KCNIP4: variants seen among roughly 807,000 people sequenced by gnomAD.
KCNIP4 encodes the protein Kv channel-interacting protein 4.
KCNIP4 carries 12 observed loss-of-function variants against 34.0 expected under a neutral mutation model. That is an observed-to-expected ratio of 0.35 (90% confidence interval 0.23 to 0.57). KCNIP4 has a LOEUF of 0.57. Ranked by LOEUF, KCNIP4 falls within the 20% of genes least tolerant of loss-of-function variation. The pLI is 0.83. For synonymous variants in KCNIP4, 124 were observed against 102.2 expected (o/e 1.21, Z -1.29); for missense variants, 238 against 311.7 (o/e 0.76, Z 1.78).
At chr4:21,759,133 G>T (rs1339052158) in intron 1 of KCNIP4, among the ~76,000 whole-genome samples, 1 of 152,088 alleles carries the variant, frequency 6.6e-6, no homozygotes, top group African/African-American at 2.4e-5. Flanking sequence ...TTAGAAATAT[G>T]TTGAACTAAG....
intron 1 of KCNIP4, among the ~76,000 whole-genome samples, chr4:21,445,485 C>G (rs1449144094): frequency 6.6e-6 from 1 of 152,192 alleles, no homozygotes; most frequent in African/African-American, 2.4e-5. Flanking sequence ...CTACAACTAT[C>G]TGATCTTTGA....
intron 1 of KCNIP4, among the ~76,000 whole-genome samples, chr4:21,176,735 C>T (rs1293405456): frequency 6.6e-6 from 1 of 152,060 alleles, no homozygotes; most frequent in African/African-American, 2.4e-5. Flanking sequence ...TGCTCAGGCT[C>T]CTCTCGAACT....
In KCNIP4 at chr4:21,593,075, T is replaced by A. The variant is rs145032807; in HGVS notation, c.61+355496A>T. ...TTGGACTCCTTCTAAAATGCTGCAT[T>A]GCATATATTCATTCTGCAATTTAAA... On this transcript the variant is annotated intron_variant, in intron 1 of 8. Coordinates refer to ENST00000382152, the MANE Select transcript of KCNIP4 (RefSeq NM_025221.6). Among the ~76,000 whole-genome samples the A allele has an allele frequency of 7.2e-5, 11 of 151,818 alleles. No homozygotes were observed. The East Asian group carries it at 2.2e-3, about 30-fold the overall frequency.
In KCNIP4 at chr4:21,465,353, T is replaced by G. The variant is rs1426105281; in HGVS notation, c.61+483218A>C. On this transcript the variant is annotated intron_variant, in intron 1 of 8. Transcript: ENST00000382152. ...TAAGATATACTTTCCAGATCAATGCTGGATTATGAATGCTTTCTGTCCACA... is the reference window on the plus strand; with the variant it reads ...TAAGATATACTTTCCAGATCAATGCGGGATTATGAATGCTTTCTGTCCACA... Among the ~76,000 whole-genome samples the G allele has an allele frequency of 2.0e-5, 3 of 152,146 alleles. No individual in the cohort carries two copies. The East Asian group carries it at 5.8e-4, about 29-fold the overall frequency.
At chr4:21,927,008 T>C (rs528175064) in intron 1 of KCNIP4, among the ~76,000 whole-genome samples, 1 of 152,332 alleles carries the variant, frequency 6.6e-6, no homozygotes, top group South Asian at 2.1e-4. Flanking sequence ...TTTGAAGTAC[T>C]GGTGCTGGGT....
At chr4:21,890,970 T>C (rs990283184) in intron 1 of KCNIP4, among the ~76,000 whole-genome samples, 21 of 152,102 alleles carry the variant, frequency 1.4e-4, no homozygotes, top group African/African-American at 7.2e-5. Context: ...GCAGTTTATA[T>C]AGCATTTTAA....
At chr4:21,005,839 C>A (rs1408968913) in intron 1 of KCNIP4, among the ~76,000 whole-genome samples, 4 of 152,184 alleles carry the variant, frequency 2.6e-5, no homozygotes, top group Non-Finnish European at 5.9e-5. Context: ...ATTACAGCAG[C>A]ATCTCTACCA....
chr4:20,900,518 C>A (rs986231354), intron 1 of KCNIP4, among the ~76,000 whole-genome samples: 1 of 152,174 alleles, frequency 6.6e-6, no homozygotes, highest in Non-Finnish European at 1.5e-5. Flanking sequence ...GAGAGGCAGG[C>A]TTCTCTTCAT....
intron 1 of KCNIP4, among the ~76,000 whole-genome samples, chr4:21,435,990 G>A (rs894864298): frequency 5.3e-5 from 8 of 152,248 alleles, no homozygotes; most frequent in South Asian, 2.1e-4. Context: ...AGGAAACAGC[G>A]AGCTCCCAGA....
chr4:21,255,991 T>C (rs1761038606), intron 1 of KCNIP4, among the ~76,000 whole-genome samples: 1 of 152,126 alleles, frequency 6.6e-6, no homozygotes, highest in Non-Finnish European at 1.5e-5. Context: ...GTAGCTTACA[T>C]TTTAGTGACA....
intron 1 of KCNIP4, among the ~76,000 whole-genome samples, chr4:21,821,420 G>C (rs1722347665): frequency 6.6e-6 from 1 of 152,160 alleles, no homozygotes; most frequent in Non-Finnish European, 1.5e-5. Context: ...TGGGGAAAGA[G>C]AAGTCAGAGC....
chr4:21,260,128 T>C (rs1357959114), intron 1 of KCNIP4, among the ~76,000 whole-genome samples: 1 of 152,156 alleles, frequency 6.6e-6, no homozygotes, highest in East Asian at 1.9e-4. Flanking sequence ...GTTTTGACCT[T>C]ATCATCAATA....
intron 1 of KCNIP4, among the ~76,000 whole-genome samples, chr4:21,837,532 C>CAAAAAAAA (rs60449238): frequency 1.8e-4 from 14 of 78,362 alleles, no homozygotes; most frequent in East Asian, 5.1e-4. Context: ...AAAACGCTGT[C>CAAAAAAAA]AAAAAAAAAA....
chr4:20,741,568 C>T (rs2149305098), intron 5 of KCNIP4, among the ~76,000 whole-genome samples: 1 of 152,292 alleles, frequency 6.6e-6, no homozygotes, highest in South Asian at 2.1e-4. Context: ...ACATTTAAAG[C>T]AGTGTGTAGA....
intron 1 of KCNIP4, among the ~76,000 whole-genome samples, chr4:21,617,705 T>C (rs1480006546): frequency 1.3e-5 from 2 of 152,214 alleles, no homozygotes; most frequent in East Asian, 3.8e-4. Flanking sequence ...AAGTTGGGAT[T>C]AGAGAATGTT....
intron 1 of KCNIP4, among the ~76,000 whole-genome samples, chr4:21,204,894 A>G (rs1756738074): frequency 6.6e-6 from 1 of 152,220 alleles, no homozygotes; most frequent in Admixed American, 6.5e-5. Flanking sequence ...GGGAGCCTTT[A>G]TATCAAGGGA....
In KCNIP4 at chr4:20,825,224, C is replaced by CGTT. The variant is rs1717587354; in HGVS notation, c.288+25316_288+25318dup. On this transcript the variant is annotated intron_variant, in intron 3 of 8. Transcript: ENST00000382152. ...TAAAGGATTGACCTGGTCAATTTTA[C>CGTT]GTTTTTTTTTTTTTTTTTTTTTTTT... 4.1e-5 allele frequency among the ~76,000 whole-genome samples: 4 copies of CGTT among 96,712 alleles called. No homozygotes were observed. The South Asian group carries it at 1.8e-3, about 42-fold the overall frequency. 63.4% of individuals were successfully genotyped at this position (96,712 alleles called of 152,430 possible). A position where few individuals can be genotyped will look rare whatever the true frequency, so the allele number is the denominator to read the frequency against.
At chr4:21,748,667 G>A (rs1366411715) in intron 1 of KCNIP4, among the ~76,000 whole-genome samples, 3 of 152,100 alleles carry the variant, frequency 2.0e-5, no homozygotes, top group African/African-American at 7.2e-5. Flanking sequence ...TTTGGAAGGG[G>A]TGTAATCTGA....
intron 3 of KCNIP4, among the ~76,000 whole-genome samples, chr4:20,765,058 T>C (rs1381953009): frequency 6.6e-6 from 1 of 152,200 alleles, no homozygotes; most frequent in Non-Finnish European, 1.5e-5. Flanking sequence ...GAGACATCTT[T>C]TTGCTCATTT....
Sources: gnomAD v4.1 joint callset for allele counts (sites outside exome capture counted in the v4.1 genomes callset) on GRCh38, gnomAD v4.1.1 for gene constraint, MANE v1.5 for transcripts, NCBI Gene and HGNC (gene_info 2026-07-23, HGNC 2026-07-21) for gene names.